The following ADGRG1 variants were observed in gnomAD, a reference collection of about 807,000 sequenced individuals.
The protein encoded by ADGRG1 is 7-transmembrane protein with no EGF-like N-terminal domains-1.
ADGRG1 carries 53 observed loss-of-function variants against 73.5 expected under a neutral mutation model. The observed-to-expected ratio is 0.72, with a 90% CI of 0.58 to 0.91. The LOEUF is 0.91. ADGRG1 is among the 40% of genes least tolerant of loss of function. ADGRG1 has a pLI of 0.00. For synonymous variants in ADGRG1, 394 were observed against 374.4 expected (o/e 1.05, Z -0.60); for missense variants, 795 against 871.8 (o/e 0.91, Z 1.11).
chr16:57,658,095 A>G (rs1226873394), intron 10 of ADGRG1, among the ~76,000 whole-genome samples: 1 of 152,208 alleles, frequency 6.6e-6, no homozygotes, highest in African/African-American at 2.4e-5. Flanking sequence ...TTTCTTTCCT[A>G]GAGTAAGACA....
In ADGRG1 at chr16:57,663,975, A is replaced by C; in HGVS notation, c.*393A>C. On this transcript the variant is annotated 3_prime_UTR_variant, in exon 14 of 14. Coordinates refer to ENST00000562631, the MANE Select transcript of ADGRG1 (RefSeq NM_201525.4). ...AATCCTGTGCCCCTGCCTGGGACAG[A>C]AATGTGGCTCCAGTTGCTCTGTCTC... The C allele has an allele frequency of 3.5e-6, 1 of 286,972 alleles. No individual in the cohort carries two copies. The highest frequency in any genetic ancestry group is 6.7e-6 in the Non-Finnish European group (1 of 148,480). The allele number at this position is 286,972 out of a possible 1,614,324, so 17.8% of individuals were successfully genotyped here.
Position 57,653,972 on chromosome 16 carries a change from C to A in ADGRG1, c.621-14C>A, listed in dbSNP as rs1192171085. Reference sequence around the variant, plus strand: ...CCCTCCCCACCATCACCACCGCTTTCTCCTCCCTGCCAGGCAGTTGCAGAG... The same window carrying A: ...CCCTCCCCACCATCACCACCGCTTTATCCTCCCTGCCAGGCAGTTGCAGAG... On this transcript the variant is annotated splice_polypyrimidine_tract_variant and intron_variant, in intron 4 of 13. Transcript: ENST00000562631. The A allele has an allele frequency of 4.3e-6, 7 of 1,613,790 alleles. No homozygotes were observed. In the East Asian group the frequency reaches 1.6e-4, roughly 36 times the overall value.
chr16:57,633,362 T>C (rs1441866714), intron 1 of ADGRG1: 22 of 985,234 alleles, frequency 2.2e-5, no homozygotes, highest in Non-Finnish European at 2.4e-5. Flanking sequence ...TTCTCACAAC[T>C]TCATTACTTG....
At chr16:57,627,535 T>C (rs1298613936), upstream of ADGRG1, among the ~76,000 whole-genome samples, 2 of 152,192 alleles carry the variant, frequency 1.3e-5, no homozygotes, top group Non-Finnish European at 2.9e-5. Context: ...CAGGGAGTAT[T>C]TATTGAGGGC....
At chr16:57,644,683 C>G (rs2041970734) in intron 1 of ADGRG1, among the ~76,000 whole-genome samples, 1 of 138,802 alleles carries the variant, frequency 7.2e-6, no homozygotes, top group South Asian at 2.5e-4. Context: ...CACACTCATG[C>G]ACAAGCACAC....
At chr16:57,650,570 A>G (rs1249494650) in intron 2 of ADGRG1, 2 of 238,624 alleles carry the variant, frequency 8.4e-6, no homozygotes, top group Non-Finnish European at 1.4e-5. Flanking sequence ...TACTGGCCCC[A>G]CTCACCTCTG....
chr16:57,628,917 A>C lies in ADGRG1; in HGVS notation c.-36+115A>C, dbSNP rs919418509. On this transcript the variant is annotated intron_variant, in intron 1 of 13. Transcript: ENST00000562631. ...GAGTGTGTGAGTGTGAGTGTGTGAGAGTGAGTGTGAGTGTGAGTGTGAGCG... is the reference window on the plus strand; with the variant it reads ...GAGTGTGTGAGTGTGAGTGTGTGAGCGTGAGTGTGAGTGTGAGTGTGAGCG... 3.7e-5 allele frequency: 27 copies of C among 739,530 alleles called. No homozygotes were observed. In the African/African-American group the frequency reaches 8.2e-4, roughly 22 times the overall value. 45.8% of individuals were successfully genotyped at this position (739,530 alleles called of 1,614,324 possible). A position where few individuals can be genotyped will look rare whatever the true frequency, so the allele number is the denominator to read the frequency against.
chr16:57,644,581 A>G (rs547818241), intron 1 of ADGRG1, among the ~76,000 whole-genome samples: 1 of 141,230 alleles, frequency 7.1e-6, no homozygotes, highest in South Asian at 2.3e-4. Flanking sequence ...ACAAGCACAC[A>G]CACTGATCAC....
intron 1 of ADGRG1, chr16:57,641,144 G>A: frequency 2.4e-6 from 2 of 832,056 alleles, no homozygotes; most frequent in Non-Finnish European, 2.9e-6. Flanking sequence ...GGCAGTCAGG[G>A]GACAAACATC....
chr16:57,634,157 G>T (rs2038755288), intron 1 of ADGRG1: 1 of 985,046 alleles, frequency 1.0e-6, no homozygotes, highest in Admixed American at 6.1e-5. Context: ...TTCACCCTAG[G>T]CCCCTGGGAG....
intron 1 of ADGRG1, chr16:57,635,841 G>A (rs1441057378): frequency 3.0e-6 from 3 of 985,180 alleles, no homozygotes; most frequent in South Asian, 4.7e-5. Flanking sequence ...GGCAAGCTCC[G>A]TGTCCCTGTG....
At chr16:57,651,145 A>G (rs1435022284) in intron 2 of ADGRG1, 55 bp from the exon 3 acceptor site, 1 of 1,610,970 alleles carries the variant, frequency 6.2e-7, no homozygotes, top group African/African-American at 1.3e-5. Context: ...GTCCCCTTCC[A>G]TGCCTCTGGT....
intron 2 of ADGRG1, among the ~76,000 whole-genome samples, chr16:57,622,418 G>C (rs549905665): frequency 2.4e-4 from 36 of 152,262 alleles, no homozygotes; most frequent in African/African-American, 2.9e-4. Flanking sequence ...GCGCCAGGTA[G>C]GGATCATCCC....
At chr16:57,646,862 G>C (rs2042781861) in intron 1 of ADGRG1, 2 of 893,716 alleles carry the variant, frequency 2.2e-6, no homozygotes, top group South Asian at 5.1e-5. Context: ...CATTGCGGGG[G>C]TGTTGCTAGA....
intron 1 of ADGRG1, 51 bp downstream of exon 1, chr16:57,628,853 TGAGA>T (rs1218385828): frequency 4.1e-6 from 4 of 983,470 alleles, no homozygotes; most frequent in African/African-American, 3.5e-5. Flanking sequence ...AGTGTGAGTG[TGAGA>T]GTGTGAGTGT....
chr16:57,623,816 C>T (rs1391849024), upstream of ADGRG1: 1 of 985,272 alleles, frequency 1.0e-6, no homozygotes, highest in African/African-American at 1.7e-5. Flanking sequence ...CGCCTGTGTC[C>T]AGGAGGCTTT....
At chr16:57,658,589 A>G (rs908260238) in intron 10 of ADGRG1, among the ~76,000 whole-genome samples, 3 of 152,216 alleles carry the variant, frequency 2.0e-5, no homozygotes, top group South Asian at 2.1e-4. Context: ...TAAGTAGGTG[A>G]TGGTGATGAG....
Position 57,663,823 on chromosome 16 carries a change from C to G in ADGRG1, c.*241C>G. 1.7e-6 allele frequency: 1 copy of G among 585,830 alleles called. No homozygotes were observed. Among genetic ancestry groups the G allele is most frequent in the East Asian group, 2.9e-5 (1 of 34,352 alleles). 36.3% of individuals were successfully genotyped at this position (585,830 alleles called of 1,614,324 possible). On this transcript the variant is annotated 3_prime_UTR_variant, in exon 14 of 14. Transcript: ENST00000562631. ...CGGGACTCAGAAGTGCGCCGCCATG[C>G]TGCCTAGGGTACTGTCCCCACATCT...
At position 57,654,133 on chromosome 16, in the gene ADGRG1, G is replaced by C. The variant is rs532188689; in HGVS notation, c.768G>C (p.Glu256Asp). The C allele has an allele frequency of 6.8e-6, 11 of 1,611,882 alleles. No homozygotes were observed. In the South Asian group the frequency reaches 1.2e-4, roughly 18 times the overall value. Residue 256 changes from glutamate (E) to aspartate (D), a missense_variant and splice_region_variant, in exon 5 of 14, where the codon GAG becomes GAC. Glu to Asp is a conservative substitution (Grantham distance 45, BLOSUM62 2). Coordinates refer to ENST00000562631, the MANE Select transcript of ADGRG1 (RefSeq NM_201525.4). ...ACCTGCACATCCACTCCCGGCAGGA[G>C]GTCAGGGGCAGGCCTGGGCAGGAAG... is the stretch of plus-strand genomic sequence containing the variant. ...LQDLHIHSRQ[E>D]EEQSEIMEYS...
Sources: gnomAD v4.1 joint callset for allele counts (sites outside exome capture counted in the v4.1 genomes callset) on GRCh38, gnomAD v4.1.1 for gene constraint, MANE v1.5 for transcripts, NCBI Gene and HGNC (gene_info 2026-07-23, HGNC 2026-07-21) for gene names.